The following STK35 variants were observed in gnomAD, a reference collection of about 807,000 sequenced individuals.
STK35 encodes serine/threonine-protein kinase 35.
In STK35, 17 loss-of-function variants were observed where a neutral mutation model predicts 37.3. That is an observed-to-expected ratio of 0.46 (90% CI 0.31 to 0.68). The LOEUF (loss-of-function observed/expected upper bound fraction) is 0.68, where lower values mean the gene tolerates loss of function less well. Ranked by LOEUF, STK35 falls within the 30% of genes least tolerant of loss-of-function variation. The pLI, the probability that STK35 is intolerant of heterozygous loss-of-function variation, is 0.05. For synonymous variants in STK35, 385 were observed against 319.1 expected, an observed-to-expected ratio of 1.21 and a Z score of -2.20; for missense variants, 595 against 746.7, an observed-to-expected ratio of 0.80 and a Z score of 2.37.
intron 2 of STK35, among the ~76,000 whole-genome samples, chr20:2,112,588 A>T (rs1985640642): frequency 6.6e-6 from 1 of 152,102 alleles, no homozygotes; most frequent in African/African-American, 2.4e-5. Context: ...TATCCCCCCC[A>T]GTTACTCATG....
At position 2,117,229 on chromosome 20, in the gene STK35, A is replaced by T. The variant is rs1568576067; in HGVS notation, c.1456A>T (p.Met486Leu). 6.2e-7 allele frequency: 1 copy of T among 1,614,008 alleles called. No individual in the cohort carries two copies. Among genetic ancestry groups the T allele is most frequent in the Non-Finnish European group, 8.5e-7 (1 of 1,180,030 alleles). Reference protein sequence around the residue: ...VGEALLENPKMELHIPQKRRT... With the variant: ...VGEALLENPKLELHIPQKRRT... ...TGAGGCGCTGCTAGAAAACCCAAAGATGGAGTTGCACATCCCCCAAAAACG... is the reference window on the plus strand; with the variant it reads ...TGAGGCGCTGCTAGAAAACCCAAAGTTGGAGTTGCACATCCCCCAAAAACG... The change falls in exon 3 of 4, where the codon ATG (methionine) becomes TTG (leucine). Residue 486 changes from methionine (M) to leucine (L), a missense_variant. Met to Leu is a conservative substitution (Grantham distance 15). This residue lies in a region of STK35 where 109 missense variants were observed against 280.3 expected (regional missense o/e 0.39). Coordinates refer to ENST00000381482, the MANE Select transcript of STK35 (RefSeq NM_080836.4). The surrounding 1 kb of genome is among the most constrained non-coding windows in gnomAD (Gnocchi z 4.4).
intron 3 of STK35, among the ~76,000 whole-genome samples, chr20:2,127,619 A>C (rs1036067679): frequency 2.0e-5 from 3 of 152,192 alleles, no homozygotes; most frequent in African/African-American, 7.2e-5. Flanking sequence ...TGAAATCCAG[A>C]TGACACCACT....
At position 2,141,851 on chromosome 20, in the gene STK35, T is replaced by C. The variant is rs186778553; in HGVS notation, c.*38-1933T>C. 9.2e-5 allele frequency among the ~76,000 whole-genome samples: 14 copies of C among 152,348 alleles called. No individual in the cohort carries two copies. The East Asian group carries it at 2.7e-3, about 29-fold the overall frequency. On this transcript the variant is annotated intron_variant, in intron 3 of 3. Transcript: ENST00000381482. ...TCTCATTTCCTCTGTAGTATATCAG[T>C]GCGTTGAAGGATCATTTGCTTACTT...
intron 3 of STK35, among the ~76,000 whole-genome samples, chr20:2,136,951 C>T (rs552911095): frequency 2.6e-5 from 4 of 152,120 alleles, no homozygotes; most frequent in South Asian, 2.1e-4. Context: ...AGGGTGAATG[C>T]GATCTGAGTG....
chr20:2,135,179 G>A (rs1268018541), intron 3 of STK35, among the ~76,000 whole-genome samples: 1 of 152,198 alleles, frequency 6.6e-6, no homozygotes, highest in Non-Finnish European at 1.5e-5. Flanking sequence ...TTGCCTCCTG[G>A]GAGCACATTC....
chr20:2,108,017 A>G (rs894504132), intron 2 of STK35, among the ~76,000 whole-genome samples: 4 of 152,192 alleles, frequency 2.6e-5, no homozygotes, highest in African/African-American at 9.7e-5. Flanking sequence ...AGGTGAGGCA[A>G]CTGAGGTACC....
Position 2,116,780 on chromosome 20 carries a change from C to T in STK35, c.1007C>T (p.Thr336Ile), listed in dbSNP as rs1985724374. The T allele has an allele frequency of 1.9e-6, 3 of 1,614,164 alleles. No homozygotes were observed. The highest frequency in any genetic ancestry group is 1.7e-6 in the Non-Finnish European group (2 of 1,180,040). Reference sequence around the variant, plus strand: ...CTGTCCCGGAGGCCAGACCCAGCCACCAACAAAAGTTTCATGCTACAGCTG... The same window carrying T: ...CTGTCCCGGAGGCCAGACCCAGCCATCAACAAAAGTTTCATGCTACAGCTG... ...YVLSRRPDPA[T>I]NKSFMLQLTS... Residue 336 changes from threonine (T) to isoleucine (I), a missense_variant, in exon 3 of 4, where the codon ACC (threonine) becomes ATC (isoleucine). Thr to Ile is a moderately conservative substitution (Grantham distance 89). This residue lies in a region of STK35 where 109 missense variants were observed against 280.3 expected (regional missense o/e 0.39). Coordinates refer to ENST00000381482, the MANE Select transcript of STK35 (RefSeq NM_080836.4).
At chr20:2,129,964 A>T (rs146213483) in intron 3 of STK35, among the ~76,000 whole-genome samples, 14 of 152,178 alleles carry the variant, frequency 9.2e-5, no homozygotes, top group Admixed American at 2.6e-4. Context: ...GTTAGGGGAG[A>T]TGGTGAAGTG....
At chr20:2,129,609 G>A (rs1985964619) in intron 3 of STK35, among the ~76,000 whole-genome samples, 1 of 152,138 alleles carries the variant, frequency 6.6e-6, no homozygotes, top group South Asian at 2.1e-4. Flanking sequence ...ATAACACATG[G>A]GTGAAAAAAG....
chr20:2,127,768 G>A (rs922113445), intron 3 of STK35, among the ~76,000 whole-genome samples: 2 of 152,126 alleles, frequency 1.3e-5, no homozygotes, highest in African/African-American at 4.8e-5. Flanking sequence ...CAGGACAACA[G>A]CCGTCGTGAT....
In STK35 at chr20:2,124,566, G is replaced by A. The variant is rs116003747; in HGVS notation, c.*37+7151G>A. ...GATGATGATCAATTCTTTAATCCAGGCAGATCCAGAACCCCTGAGGTTCTT... is the reference window on the plus strand; with the variant it reads ...GATGATGATCAATTCTTTAATCCAGACAGATCCAGAACCCCTGAGGTTCTT... On this transcript the variant is annotated intron_variant, in intron 3 of 3. Coordinates refer to ENST00000381482, the MANE Select transcript of STK35 (RefSeq NM_080836.4). Among the ~76,000 whole-genome samples, 1,238 of 152,220 alleles carry A rather than the reference G, an allele frequency of 8.1e-3. 19 individuals carry two copies. The highest frequency in any genetic ancestry group is 0.028 in the African/African-American group (1,153 of 41,532).
intron 3 of STK35, among the ~76,000 whole-genome samples, chr20:2,139,308 G>A (rs942215191): frequency 1.3e-5 from 2 of 152,198 alleles, no homozygotes; most frequent in Non-Finnish European, 2.9e-5. Flanking sequence ...GACTGGCAGA[G>A]AAGCTTGCTG....
intron 3 of STK35, among the ~76,000 whole-genome samples, chr20:2,133,663 G>A (rs997850076): frequency 2.6e-5 from 4 of 152,202 alleles, no homozygotes; most frequent in African/African-American, 9.7e-5. Flanking sequence ...AGCCCTGCCT[G>A]CTGGTCACCA....
intron 3 of STK35, among the ~76,000 whole-genome samples, chr20:2,131,493 A>G (rs1205912975): frequency 6.6e-6 from 1 of 152,042 alleles, no homozygotes; most frequent in African/African-American, 2.4e-5. Context: ...AAGATTAAAA[A>G]TGGTATACCT....
At chr20:2,122,679 A>C (rs373959440) in intron 3 of STK35, among the ~76,000 whole-genome samples, 111 of 152,286 alleles carry the variant, frequency 7.3e-4, no homozygotes, top group Admixed American at 1.8e-3. Context: ...TGTTGGGGGA[A>C]TCACAAGAGG....
chr20:2,122,202 C>T (rs1238721038), intron 3 of STK35, among the ~76,000 whole-genome samples: 1 of 152,048 alleles, frequency 6.6e-6, no homozygotes, highest in Non-Finnish European at 1.5e-5. Flanking sequence ...GGTGTGGTGG[C>T]ACATGCCATA....
At chr20:2,120,320 G>A (rs1985794168) in intron 3 of STK35, among the ~76,000 whole-genome samples, 1 of 152,220 alleles carries the variant, frequency 6.6e-6, no homozygotes, top group South Asian at 2.1e-4. Flanking sequence ...TCATGTAGGA[G>A]AAATAGGCGA....
chr20:2,136,956 TGAGTGACAGATAGGGGGTGGGA>T (rs1986097901), intron 3 of STK35, among the ~76,000 whole-genome samples: 1 of 152,184 alleles, frequency 6.6e-6, no homozygotes, highest in Admixed American at 6.5e-5. Context: ...GAATGCGATC[TGAGTGACAGATAGGGGGTGGGA>T]GTTGGGGTAG....
chr20:2,112,401 GAT>G (rs778189698), intron 2 of STK35, among the ~76,000 whole-genome samples: 4 of 152,170 alleles, frequency 2.6e-5, no homozygotes, highest in Admixed American at 6.5e-5. Context: ...TGTGGCATAG[GAT>G]ATGTTTTGAA....
Sources: allele counts gnomAD v4.1 joint callset (sites outside exome capture counted in the v4.1 genomes callset), GRCh38; gene constraint gnomAD v4.1.1; regional missense constraint gnomAD v4.1.1; non-coding constraint Gnocchi (gnomAD v3.1); transcripts MANE v1.5; gene names NCBI Gene and HGNC (gene_info 2026-07-23, HGNC 2026-07-21).